Variants in TECPR1 observed in about 807,000 individuals in gnomAD.
TECPR1 encodes the protein tectonin beta-propeller repeat containing 1.
Under a neutral mutation model 162.4 loss-of-function variants are expected in TECPR1, and 122 were observed. The ratio of observed to expected loss-of-function variants is 0.75; its 90% confidence interval spans 0.65 to 0.87. The LOEUF is 0.87. Ranked by LOEUF, TECPR1 falls within the 40% of genes least tolerant of loss-of-function variation. The pLI is 0.00. For missense variants in TECPR1, 1,432 were observed against 1,618.2 expected (o/e 0.88, Z 1.97); for synonymous variants, 642 against 670.6 (o/e 0.96, Z 0.66).
rs745740718 is a variant in TECPR1 at position 98,224,969 on chromosome 7, C to T, written c.2610+37G>A. On this transcript the variant is annotated intron_variant, in intron 18 of 25. Coordinates refer to ENST00000447648, the MANE Select transcript of TECPR1 (RefSeq NM_015395.3). ...GGAGGGGCAAGGAGGGGTGGGAGGG[C>T]GGATTCCCAACCCCCCAGGGGGCAG... 100 of 1,537,390 alleles carry T rather than the reference C, an allele frequency of 6.5e-5. 1 individual carries two copies. The highest frequency in any genetic ancestry group is 1.7e-4 in the Middle Eastern group (1 of 5,932).
chr7:98,235,516 C>T (rs1460177605), intron 10 of TECPR1, among the ~76,000 whole-genome samples: 1 of 90,676 alleles, frequency 1.1e-5, no homozygotes, highest in Non-Finnish European at 2.2e-5. Context: ...CAGAGTGAGA[C>T]TCCGTCTAAA....
At chr7:98,227,715 G>A (rs573454433) in intron 17 of TECPR1, among the ~76,000 whole-genome samples, 12 of 151,630 alleles carry the variant, frequency 7.9e-5, no homozygotes, top group African/African-American at 2.9e-4. Context: ...CCAGCTATTC[G>A]GGAGGCTGAG....
chr7:98,221,210 G>A (rs1432339719), intron 23 of TECPR1, among the ~76,000 whole-genome samples: 2 of 152,098 alleles, frequency 1.3e-5, no homozygotes, highest in African/African-American at 4.8e-5. Context: ...GCTGAGGCAG[G>A]AGAATCGCTT....
chr7:98,224,987 G>A lies in TECPR1; in HGVS notation c.2610+19C>T. On this transcript the variant is annotated intron_variant, in intron 18 of 25. Transcript: ENST00000447648. ...GGGAGGGCGGATTCCCAACCCCCCA[G>A]GGGGCAGCGGGACCTCACCCAGGCC... 1 of 1,543,324 alleles carries A rather than the reference G, an allele frequency of 6.5e-7. No homozygotes were observed. The highest frequency in any genetic ancestry group is 8.7e-7 in the Non-Finnish European group (1 of 1,144,122).
Position 98,221,030 on chromosome 7 carries a change from G to A in TECPR1, c.3157+631C>T, listed in dbSNP as rs576841605. ...AAATAACTGAAAGAGGGCCAGGCGCGGTAGCTCACACCTGTAATCCCAGCA... is the reference window on the plus strand; with the variant it reads ...AAATAACTGAAAGAGGGCCAGGCGCAGTAGCTCACACCTGTAATCCCAGCA... On this transcript the variant is annotated intron_variant, in intron 23 of 25. Coordinates refer to ENST00000447648, the MANE Select transcript of TECPR1 (RefSeq NM_015395.3). Among the ~76,000 whole-genome samples the A allele has an allele frequency of 1.1e-3, 167 of 150,442 alleles. 2 individuals carry two copies. Among genetic ancestry groups the A allele is most frequent in the Non-Finnish European group, 1.2e-3 (79 of 67,658 alleles).
Position 98,232,125 on chromosome 7 carries a change from T to C in TECPR1, c.1819-166A>G, listed in dbSNP as rs961553514. 6.6e-6 allele frequency among the ~76,000 whole-genome samples: 1 copy of C among 152,136 alleles called. No individual in the cohort carries two copies. The highest frequency in any genetic ancestry group is 6.5e-5 in the Admixed American group (1 of 15,280). ...CCTATGCTAATGATAACAGTGACGC[T>C]GCCGGACACCCAATAGGTGCAGGCT... is the stretch of plus-strand genomic sequence containing the variant. On this transcript the variant is annotated intron_variant, in intron 12 of 25. Coordinates refer to ENST00000447648, the MANE Select transcript of TECPR1 (RefSeq NM_015395.3). This position sits in a 1 kb window ranked among gnomAD's most constrained non-coding sequence, Gnocchi z 4.6.
rs763904903 is a variant in TECPR1 at position 98,243,641 on chromosome 7, C to T, written c.532-49G>A. On this transcript the variant is annotated intron_variant, in intron 5 of 25. Coordinates refer to ENST00000447648, the MANE Select transcript of TECPR1 (RefSeq NM_015395.3). ...GTAGCAGTCAGCGCCCAGTGGGCAC[C>T]TGGGCATGCACCCACCTCCCGCCCG... The T allele has an allele frequency of 8.8e-6, 14 of 1,589,490 alleles. No homozygotes were observed. The South Asian group carries it at 1.6e-4, about 18-fold the overall frequency.
At chr7:98,217,570 G>A in intron 25 of TECPR1, 67 bp from the exon 26 acceptor site, 1 of 1,542,012 alleles carries the variant, frequency 6.5e-7, no homozygotes, top group Non-Finnish European at 8.8e-7. Flanking sequence ...GATCTGCCTG[G>A]GGGCCTCCCT....
intron 15 of TECPR1, among the ~76,000 whole-genome samples, 154 bp downstream of exon 15, chr7:98,230,807 G>T (rs1181361475): frequency 6.6e-6 from 1 of 152,174 alleles, no homozygotes; most frequent in Non-Finnish European, 1.5e-5. Flanking sequence ...GGCCCAGGGG[G>T]ACTTGGGGGC....
chr7:98,245,719 C>T (rs1272116786), intron 3 of TECPR1, among the ~76,000 whole-genome samples: 1 of 152,200 alleles, frequency 6.6e-6, no homozygotes, highest in Non-Finnish European at 1.5e-5. Flanking sequence ...AGCGATCTGC[C>T]CGCCACAGCC....
intron 10 of TECPR1, among the ~76,000 whole-genome samples, chr7:98,235,849 A>AAAAAAAAAAAAAAAAC: frequency 9.1e-6 from 1 of 110,338 alleles, no homozygotes; most frequent in African/African-American, 3.1e-5. Context: ...AAAAAAAAAA[A>AAAAAAAAAAAAAAAAC]AACACCATCT....
At chr7:98,246,211 G>T in intron 2 of TECPR1, 46 bp from the exon 3 acceptor site, 1 of 1,242,326 alleles carries the variant, frequency 8.0e-7, no homozygotes, top group Non-Finnish European at 1.1e-6. Flanking sequence ...CCAGCCCAGG[G>T]GACATCAGAG....
chr7:98,250,331 C>T (rs1426105504), intron 2 of TECPR1, among the ~76,000 whole-genome samples: 1 of 151,604 alleles, frequency 6.6e-6, no homozygotes, highest in Non-Finnish European at 1.5e-5. Flanking sequence ...AGTTAGCCTT[C>T]AAAGATAGCT....
rs770894513 is a variant in TECPR1, at chr7:98,217,174, C to T, written c.*216G>A. The T allele has an allele frequency of 1.7e-5, 9 of 527,612 alleles. No individual in the cohort carries two copies. Among genetic ancestry groups the T allele is most frequent in the Admixed American group, 7.1e-5 (2 of 28,332 alleles). The allele number at this position is 527,612 out of a possible 1,614,324, so 32.7% of individuals were successfully genotyped here. A position where few individuals can be genotyped will look rare whatever the true frequency, so the allele number is the denominator to read the frequency against. On this transcript the variant is annotated 3_prime_UTR_variant, in exon 26 of 26. Transcript: ENST00000447648. ...CCATGCCCCACACCCCGGGACTCCT[C>T]GCAGACGGGGACACGTGTGGGAGTG...
Position 98,233,401 on chromosome 7 carries a change from G to T in TECPR1, c.1672+20C>A. On this transcript the variant is annotated intron_variant, in intron 11 of 25. Transcript: ENST00000447648. The stretch of plus-strand genomic sequence containing the variant: ...GCACCTGGCCATGTGGATGCCCCCA[G>T]GCCCTGCAGGAGCCCTTACCCGCCT... 7.0e-7 allele frequency: 1 copy of T among 1,432,972 alleles called. No individual in the cohort carries two copies. The highest frequency in any genetic ancestry group is 3.1e-5 in the Admixed American group (1 of 32,736). The allele number at this position is 1,432,972 out of a possible 1,614,324, so 88.8% of individuals were successfully genotyped here. A position where few individuals can be genotyped will look rare whatever the true frequency, so the allele number is the denominator to read the frequency against.
intron 10 of TECPR1, among the ~76,000 whole-genome samples, chr7:98,234,834 G>A (rs906196987): frequency 1.4e-5 from 2 of 146,362 alleles, no homozygotes; most frequent in Admixed American, 7.2e-5. Flanking sequence ...CCTCTGCCTT[G>A]TAAGTAGCTA....
Position 98,240,908 on chromosome 7 carries a change from C to G in TECPR1, c.876G>C (p.Gly292=). ...TGACTCCCACCGAGATGTGCATGAC[C>G]CCGTTTTCAGATCCAGGAGGCTCCA... The part of the protein sequence containing the change: ...SIVEPPGSEN[G]VMHISVGVSV... Residue 292 remains glycine, a synonymous_variant, in exon 8 of 26, where the codon GGG becomes GGC. Transcript: ENST00000447648. The G allele has an allele frequency of 6.2e-7, 1 of 1,609,812 alleles. No individual in the cohort carries two copies. Among genetic ancestry groups the G allele is most frequent in the Admixed American group, 1.7e-5 (1 of 59,606 alleles).
At position 98,222,370 on chromosome 7, in the gene TECPR1, G is replaced by A. The variant is rs751578680; in HGVS notation, c.3064+16C>T. The A allele has an allele frequency of 3.7e-6, 6 of 1,604,616 alleles. No homozygotes were observed. Among genetic ancestry groups the A allele is most frequent in the Non-Finnish European group, 5.1e-6 (6 of 1,176,100 alleles). ...GAAGGTGAACACTGCAGGGGCTCCT[G>A]GGGCGCGGCACTCACCGGCTGGCTG... On this transcript the variant is annotated intron_variant, in intron 22 of 25. Transcript: ENST00000447648.
chr7:98,249,075 G>A (rs960637857), intron 2 of TECPR1, among the ~76,000 whole-genome samples: 2 of 151,986 alleles, frequency 1.3e-5, no homozygotes, highest in African/African-American at 4.8e-5. Flanking sequence ...TTTTAGTAGA[G>A]ATGGGGTTTT....
Sources: gnomAD v4.1 joint callset for allele counts (sites outside exome capture counted in the v4.1 genomes callset) on GRCh38, gnomAD v4.1.1 for gene constraint, Gnocchi (gnomAD v3.1) non-coding constraint, MANE v1.5 for transcripts, NCBI Gene and HGNC (gene_info 2026-07-23, HGNC 2026-07-21) for gene names.